TEX36: variants seen among roughly 807,000 people sequenced by gnomAD.
TEX36 encodes testis-expressed protein 36.
In TEX36, 12 loss-of-function variants were observed where a neutral mutation model predicts 13.6. The observed-to-expected ratio is 0.88, with a 90% CI of 0.56 to 1.43. The LOEUF (loss-of-function observed/expected upper bound fraction) is 1.43. Among genes scored for constraint, TEX36 ranks in the 40% most tolerant of loss-of-function variants. The pLI is 0.00. For missense variants in TEX36, 224 were observed against 228.3 expected, an observed-to-expected ratio of 0.98 and a Z score of 0.12; for synonymous variants, 93 against 83.0, an observed-to-expected ratio of 1.12 and a Z score of -0.65.
chr10:125,643,758 A>T (rs955045954), intron 3 of TEX36, among the ~76,000 whole-genome samples: 17 of 152,046 alleles, frequency 1.1e-4, no homozygotes, highest in African/African-American at 4.1e-4. Context: ...AAAAAAAAAA[A>T]ATACAAAAAT....
chr10:125,637,826 C>A (rs1389658618), intron 3 of TEX36, among the ~76,000 whole-genome samples: 3 of 152,084 alleles, frequency 2.0e-5, no homozygotes, highest in Non-Finnish European at 2.9e-5. Flanking sequence ...AGAACGATTT[C>A]CACTTCGCAT....
At chr10:125,682,618 C>T (rs969976198) in intron 1 of TEX36, among the ~76,000 whole-genome samples, 3 of 152,022 alleles carry the variant, frequency 2.0e-5, no homozygotes, top group Non-Finnish European at 2.9e-5. Context: ...AGAAAAATAA[C>T]ATAGATAAGA....
At chr10:125,651,525 C>T (rs1376889507), downstream of TEX36, among the ~76,000 whole-genome samples, 3 of 152,092 alleles carry the variant, frequency 2.0e-5, no homozygotes, top group Admixed American at 1.3e-4. Context: ...TTATGACAAA[C>T]CCACAGCCAA....
chr10:125,630,297 T>C (rs1332995309), intron 3 of TEX36, among the ~76,000 whole-genome samples: 3 of 152,194 alleles, frequency 2.0e-5, no homozygotes, highest in Non-Finnish European at 4.4e-5. Context: ...ATGGATTATC[T>C]GGGGTCTCAG....
rs367769625 is a variant in TEX36 at position 125,649,566 on chromosome 10, A to G, written c.264+11455T>C. ...AAAAACATGTCAAACTGTAAAGACCATCAATGCTAGGAAGAAACTGCATCA... is the reference window on the plus strand; with the variant it reads ...AAAAACATGTCAAACTGTAAAGACCGTCAATGCTAGGAAGAAACTGCATCA... On this transcript the variant is annotated intron_variant, in intron 3 of 3. Coordinates refer to the TEX36 transcript ENST00000526819. Among the ~76,000 whole-genome samples the G allele has an allele frequency of 9.8e-5, 15 of 152,380 alleles. No homozygotes were observed. In the East Asian group the frequency reaches 2.5e-3, roughly 25 times the overall value.
At chr10:125,592,202 G>A (rs1217715255) in intron 3 of TEX36, among the ~76,000 whole-genome samples, 2 of 152,014 alleles carry the variant, frequency 1.3e-5, no homozygotes, top group African/African-American at 4.8e-5. Flanking sequence ...AAACCCTCCC[G>A]CTGGGAGAAA....
rs137894382 is a variant in TEX36, at chr10:125,581,573, C to T, written c.265-4699G>A. ...ACTACCTGCACTCACCTACTTCTCT[C>T]AGAGTCAGCTTTTAGGGAACCCAAA... is the stretch of plus-strand genomic sequence containing the variant. On this transcript the variant is annotated intron_variant, in intron 3 of 3. Transcript: ENST00000532135. Among the ~76,000 whole-genome samples, 335 of 152,304 alleles carry T rather than the reference C, an allele frequency of 2.2e-3. 1 individual carries two copies. The highest frequency in any genetic ancestry group is 7.7e-3 in the African/African-American group (320 of 41,562).
Position 125,679,138 on chromosome 10 carries a change from AC to A in TEX36, c.51+3800del, listed in dbSNP as rs752996338. ...TCCCCTTGGCTCTGGCTACAGGAGC[AC>A]CCCCCCCGCCCCCGCCAAGCTGACA... is the stretch of plus-strand genomic sequence containing the variant. On this transcript the variant is annotated intron_variant, in intron 1 of 3. Coordinates refer to ENST00000368821, the MANE Select transcript of TEX36 (RefSeq NM_001128202.3). Among the ~76,000 whole-genome samples, 72 of 111,154 alleles carry A rather than the reference AC, an allele frequency of 6.5e-4. 4 individuals carry two copies. Among genetic ancestry groups the A allele is most frequent in the Admixed American group, 1.5e-3 (14 of 9,342 alleles). The allele number at this position is 111,154 out of a possible 152,430, so 72.9% of individuals were successfully genotyped here.
intron 3 of TEX36, among the ~76,000 whole-genome samples, chr10:125,591,184 A>C (rs1846017392): frequency 6.6e-6 from 1 of 152,222 alleles, no homozygotes; most frequent in African/African-American, 2.4e-5. Context: ...GAGAACGAAA[A>C]AGTGAGTTAC....
Position 125,649,662 on chromosome 10 carries a change from T to C in TEX36, c.264+11359A>G, listed in dbSNP as rs182060650. Among the ~76,000 whole-genome samples the C allele has an allele frequency of 5.3e-5, 8 of 152,288 alleles. No homozygotes were observed. The East Asian group carries it at 1.3e-3, about 26-fold the overall frequency. On this transcript the variant is annotated intron_variant, in intron 3 of 3. Transcript: ENST00000526819. The stretch of plus-strand genomic sequence containing the variant: ...CACATAACAATATTAACTTTAAATG[T>C]AAATGGGCTAAATGCTCCAATTAAA...
chr10:125,617,375 G>A (rs185756650), downstream of TEX36, among the ~76,000 whole-genome samples: 51 of 152,190 alleles, frequency 3.4e-4, no homozygotes, highest in East Asian at 2.1e-3. Context: ...CAGTTTCTTC[G>A]TGGTCTTGAT....
chr10:125,576,791 A>C, exon 4 of TEX36: 1 of 1,535,860 alleles, frequency 6.5e-7, no homozygotes, highest in Non-Finnish European at 8.7e-7. Flanking sequence ...GGCCTGGATG[A>C]GGAATGGACT....
chr10:125,631,030 T>A lies in TEX36; in HGVS notation c.265-9385A>T, dbSNP rs537645594. Among the ~76,000 whole-genome samples the A allele has an allele frequency of 3.9e-5, 6 of 152,280 alleles. No homozygotes were observed. In the South Asian group the frequency reaches 1.2e-3, roughly 32 times the overall value. ...CACTTCTGCCTGCTTTTTAAGAAAG[T>A]CCCATCAAGGACTTCTGGGAGAAAT... On this transcript the variant is annotated intron_variant, in intron 3 of 3. Transcript: ENST00000526819.
chr10:125,598,319 G>C (rs1846106285), intron 3 of TEX36, among the ~76,000 whole-genome samples: 1 of 152,198 alleles, frequency 6.6e-6, no homozygotes, highest in African/African-American at 2.4e-5. Context: ...TAGCAACAGT[G>C]GAGGAAACAG....
chr10:125,672,927 G>C (rs1018306486), intron 1 of TEX36, among the ~76,000 whole-genome samples: 4 of 151,966 alleles, frequency 2.6e-5, no homozygotes, highest in Non-Finnish European at 5.9e-5. Flanking sequence ...AGTGTGTTTT[G>C]TCCAGAAACT....
chr10:125,634,603 A>T (rs2133569754), intron 3 of TEX36, among the ~76,000 whole-genome samples: 1 of 152,314 alleles, frequency 6.6e-6, no homozygotes, highest in South Asian at 2.1e-4. Flanking sequence ...CCTTGGTAAA[A>T]GGTTATCTTT....
At chr10:125,648,897 A>C (rs1288832533) in intron 3 of TEX36, among the ~76,000 whole-genome samples, 1 of 152,232 alleles carries the variant, frequency 6.6e-6, no homozygotes, top group Non-Finnish European at 1.5e-5. Context: ...AACTGGAAGA[A>C]AGGGTATCAG....
At chr10:125,667,637 C>G (rs1036145148) in intron 1 of TEX36, 3 of 720,736 alleles carry the variant, frequency 4.2e-6, no homozygotes, top group Non-Finnish European at 7.8e-6. Flanking sequence ...CTTGCTGCCC[C>G]CAACACCACC....
chr10:125,678,431 C>T (rs1227693644), intron 1 of TEX36, among the ~76,000 whole-genome samples: 1 of 151,754 alleles, frequency 6.6e-6, no homozygotes, highest in Non-Finnish European at 1.5e-5. Flanking sequence ...CTGAGCATGT[C>T]TATCTTTGTG....
Sources: allele counts gnomAD v4.1 joint callset (sites outside exome capture counted in the v4.1 genomes callset), GRCh38; gene constraint gnomAD v4.1.1; transcripts MANE v1.5; gene names NCBI Gene and HGNC (gene_info 2026-07-23, HGNC 2026-07-21).